Variants in ASPRV1 observed in about 807,000 individuals in gnomAD.
ASPRV1 encodes retroviral-like aspartic protease 1.
A neutral mutation model predicts 11.0 loss-of-function variants in ASPRV1; 7 were observed. The ratio of observed to expected loss-of-function variants is 0.64; its 90% CI spans 0.36 to 1.20. ASPRV1 has a LOEUF of 1.20. ASPRV1 is among the 50% of genes most tolerant of loss of function. The pLI is 0.02. For missense variants in ASPRV1, 299 were observed against 320.0 expected (o/e 0.93, Z 0.50); for synonymous variants, 136 against 138.4 (o/e 0.98, Z 0.12).
downstream of ASPRV1, among the ~76,000 whole-genome samples, chr2:69,958,248 A>T (rs1677984695): frequency 6.6e-6 from 1 of 151,880 alleles, no homozygotes; most frequent in Non-Finnish European, 1.5e-5. Context: ...TCCCAGTAAG[A>T]AGCACCACAT....
the ASPRV1 span, among the ~76,000 whole-genome samples, chr2:70,001,165 T>C: frequency 6.6e-6 from 1 of 150,782 alleles, no homozygotes; most frequent in Non-Finnish European, 1.5e-5. Context: ...ACTTTTTAAA[T>C]TAAAAAAAAA....
chr2:69,966,579 T>C (rs1423021359), upstream of ASPRV1, among the ~76,000 whole-genome samples: 1 of 152,240 alleles, frequency 6.6e-6, no homozygotes, highest in Non-Finnish European at 1.5e-5. Context: ...CAAACACCCC[T>C]GCAATTAGTG....
At chr2:70,014,820 A>G in the ASPRV1 span, among the ~76,000 whole-genome samples, 3 of 145,104 alleles carry the variant, frequency 2.1e-5, no homozygotes, top group African/African-American at 7.7e-5. Flanking sequence ...AAAAAAAAAG[A>G]AAAAGAAAAA....
the ASPRV1 span, among the ~76,000 whole-genome samples, chr2:70,024,246 G>T: frequency 6.6e-6 from 1 of 152,208 alleles, no homozygotes; most frequent in East Asian, 1.9e-4. Context: ...TTGACTGGAT[G>T]AGAAGGAGAA....
At chr2:69,996,214 C>CAAAAAAAAAAA in the ASPRV1 span, among the ~76,000 whole-genome samples, 2 of 53,888 alleles carry the variant, frequency 3.7e-5, no homozygotes, top group African/African-American at 7.8e-5. Context: ...CCCCATCTCT[C>CAAAAAAAAAAA]AAAAAAAAAA....
At chr2:70,028,605 G>C in the ASPRV1 span, 1 of 152,180 alleles carries the variant, frequency 6.6e-6, no homozygotes, top group African/African-American at 2.4e-5. Flanking sequence ...AATCCCCAAT[G>C]CATCAGTGTT....
chr2:70,027,281 AAAAGC>A, the ASPRV1 span, among the ~76,000 whole-genome samples: 1 of 151,062 alleles, frequency 6.6e-6, no homozygotes, highest in African/African-American at 2.4e-5. Flanking sequence ...AAAAAAAAAA[AAAAGC>A]GGGGGGTGGA....
At chr2:70,021,680 T>C in the ASPRV1 span, among the ~76,000 whole-genome samples, 1 of 151,240 alleles carries the variant, frequency 6.6e-6, no homozygotes. Flanking sequence ...AATACGGTAT[T>C]GTGCACTTTA....
chr2:69,985,115 C>T, the ASPRV1 span, among the ~76,000 whole-genome samples: 21 of 152,268 alleles, frequency 1.4e-4, no homozygotes, highest in African/African-American at 2.4e-4. Flanking sequence ...CTCGGCCTCC[C>T]GAAGTGCTGG....
At chr2:70,029,707 C>G in the ASPRV1 span, among the ~76,000 whole-genome samples, 1 of 152,202 alleles carries the variant, frequency 6.6e-6, no homozygotes, top group East Asian at 1.9e-4. Context: ...CCCTCCCCTA[C>G]TTGGCCACTT....
chr2:69,953,322 C>G, the ASPRV1 span, among the ~76,000 whole-genome samples: 1 of 152,236 alleles, frequency 6.6e-6, no homozygotes, highest in Non-Finnish European at 1.5e-5. Flanking sequence ...CTGGGGATAA[C>G]TGGCACCCAC....
chr2:70,011,938 C>T, the ASPRV1 span: 1 of 152,368 alleles, frequency 6.6e-6, no homozygotes, highest in Non-Finnish European at 1.5e-5. Flanking sequence ...GGAGAAGCAG[C>T]TTCGGGGGCT....
At chr2:70,057,222 G>A in the ASPRV1 span, among the ~76,000 whole-genome samples, 1 of 151,006 alleles carries the variant, frequency 6.6e-6, no homozygotes, top group South Asian at 2.1e-4. Flanking sequence ...GGCAACACAG[G>A]GAAAACCCAT....
At chr2:70,067,631 G>A in the ASPRV1 span, among the ~76,000 whole-genome samples, 3 of 152,032 alleles carry the variant, frequency 2.0e-5, no homozygotes, top group African/African-American at 7.2e-5. Context: ...GAAAATACCA[G>A]AATGATACAT....
chr2:69,950,910 T>C, the ASPRV1 span, among the ~76,000 whole-genome samples: 44 of 150,934 alleles, frequency 2.9e-4, no homozygotes, highest in African/African-American at 1.0e-3. Flanking sequence ...AAATAGGGGA[T>C]TGGTTTAGTA....
chr2:69,961,865 C>T, upstream of ASPRV1: 1 of 612,702 alleles, frequency 1.6e-6, no homozygotes, highest in Non-Finnish European at 2.8e-6. Flanking sequence ...CCCTCCCTGG[C>T]CTGTGTTCCA....
chr2:69,951,417 C>G, the ASPRV1 span, among the ~76,000 whole-genome samples: 1 of 124,238 alleles, frequency 8.0e-6, no homozygotes. Context: ...GAGCAAGACT[C>G]CATCTCAAAA....
chr2:70,076,241 A>C, the ASPRV1 span, among the ~76,000 whole-genome samples: 2 of 152,186 alleles, frequency 1.3e-5, no homozygotes, highest in East Asian at 3.8e-4. Context: ...CTTCCTCTCA[A>C]CCTACTAAGG....
chr2:70,020,680 T>A, the ASPRV1 span, among the ~76,000 whole-genome samples: 3 of 152,078 alleles, frequency 2.0e-5, no homozygotes, highest in African/African-American at 4.8e-5. Flanking sequence ...AGATGGAGGT[T>A]GCAGTGAGCT....
Sources: allele counts gnomAD v4.1 joint callset (sites outside exome capture counted in the v4.1 genomes callset), GRCh38; gene constraint gnomAD v4.1.1; transcripts MANE v1.5; gene names NCBI Gene and HGNC (gene_info 2026-07-23, HGNC 2026-07-21).